The following TIAM1 variants were observed in gnomAD, a reference collection of about 807,000 sequenced individuals.
TIAM1 encodes the protein TIAM Rac1 associated GEF 1.
A neutral mutation model predicts 163.5 loss-of-function variants in TIAM1; 65 were observed. The observed-to-expected ratio is 0.40, with a 90% confidence interval of 0.33 to 0.49. TIAM1 has a LOEUF of 0.49. Among genes scored for constraint, TIAM1 ranks in the 20% least tolerant of loss-of-function variants. The pLI is 0.77. For missense variants in TIAM1, 1,789 were observed against 2,044.7 expected (o/e 0.87, Z 2.41); for synonymous variants, 833 against 810.1 (o/e 1.03, Z -0.48).
intron 3 of TIAM1, among the ~76,000 whole-genome samples, chr21:31,272,189 T>C (rs2073084846): frequency 1.3e-5 from 2 of 152,198 alleles, no homozygotes; most frequent in African/African-American, 4.8e-5. Flanking sequence ...GTTTGTTGAA[T>C]ATTTATTTAT....
chr21:31,334,143 T>TAG (rs1019144960), intron 2 of TIAM1, among the ~76,000 whole-genome samples: 4 of 152,234 alleles, frequency 2.6e-5, no homozygotes, highest in African/African-American at 9.6e-5. Flanking sequence ...CAACAGCCCC[T>TAG]AGTGTTCCAT....
chr21:31,209,999 C>T (rs779927849), intron 11 of TIAM1, 46 bp downstream of exon 11: 1 of 1,582,276 alleles, frequency 6.3e-7, no homozygotes, highest in Non-Finnish European at 8.6e-7. Flanking sequence ...GATTGCTACA[C>T]CCCATTCTGC....
At chr21:31,404,932 G>C (rs927610951) in intron 2 of TIAM1, among the ~76,000 whole-genome samples, 1 of 152,092 alleles carries the variant, frequency 6.6e-6, no homozygotes, top group African/African-American at 2.4e-5. Context: ...CTAATATTTT[G>C]ATATTGGCCC....
chr21:31,545,440 TAACA>T (rs1276053752), intron 1 of TIAM1, among the ~76,000 whole-genome samples: 2 of 152,164 alleles, frequency 1.3e-5, no homozygotes, highest in Non-Finnish European at 2.9e-5. Flanking sequence ...GGGAGGAAAC[TAACA>T]AAGACATGAA....
At chr21:31,433,803 C>CT (rs34956090) in intron 2 of TIAM1, among the ~76,000 whole-genome samples, 4,039 of 146,688 alleles carry the variant, frequency 0.028, 72 homozygotes, top group Non-Finnish European at 0.038. Context: ...TCTAAATGTC[C>CT]TTTTTTTTTT....
intron 11 of TIAM1, among the ~76,000 whole-genome samples, chr21:31,204,574 T>C (rs567633300): frequency 6.6e-6 from 1 of 152,274 alleles, no homozygotes; most frequent in East Asian, 1.9e-4. Flanking sequence ...ATTCCAGTAA[T>C]ATATATTCAG....
At chr21:31,384,401 CAA>C (rs5843516) in intron 2 of TIAM1, among the ~76,000 whole-genome samples, 5 of 107,864 alleles carry the variant, frequency 4.6e-5, no homozygotes, top group Admixed American at 2.0e-4. Context: ...CCCATCTCTA[CAA>C]AAAAAAAAAA....
At chr21:31,403,791 A>C (rs1235856060) in intron 2 of TIAM1, among the ~76,000 whole-genome samples, 1 of 152,140 alleles carries the variant, frequency 6.6e-6, no homozygotes, top group African/African-American at 2.4e-5. Context: ...TGGAAGAAAG[A>C]ACGAGGAGAA....
At chr21:31,482,190 C>T (rs535574249) in intron 1 of TIAM1, among the ~76,000 whole-genome samples, 8 of 151,616 alleles carry the variant, frequency 5.3e-5, no homozygotes, top group African/African-American at 1.7e-4. Context: ...CTTGCTCTGT[C>T]GCTCAGGCTG....
At chr21:31,479,292 TA>T (rs906172917) in intron 1 of TIAM1, among the ~76,000 whole-genome samples, 1 of 152,180 alleles carries the variant, frequency 6.6e-6, no homozygotes, top group Non-Finnish European at 1.5e-5. Flanking sequence ...GGACTTGATT[TA>T]AAAAAACTCT....
At chr21:31,314,379 G>A (rs180914492) in intron 2 of TIAM1, among the ~76,000 whole-genome samples, 29 of 152,262 alleles carry the variant, frequency 1.9e-4, no homozygotes, top group Admixed American at 1.1e-3. Context: ...TAAAATGTTA[G>A]TAAGCCCACT....
chr21:31,515,173 A>C (rs1369019601), intron 1 of TIAM1, among the ~76,000 whole-genome samples: 5 of 151,946 alleles, frequency 3.3e-5, no homozygotes, highest in African/African-American at 1.2e-4. Flanking sequence ...ACAGGCCCCA[A>C]CTCCAAAATC....
chr21:31,558,000 C>A (rs1432729583), intron 1 of TIAM1, among the ~76,000 whole-genome samples: 1 of 152,158 alleles, frequency 6.6e-6, no homozygotes, highest in Non-Finnish European at 1.5e-5. Context: ...AGCATCCCGC[C>A]CCGCGGCCGG....
At chr21:31,234,861 T>C (rs1392443380) in intron 6 of TIAM1, among the ~76,000 whole-genome samples, 2 of 151,678 alleles carry the variant, frequency 1.3e-5, no homozygotes, top group South Asian at 2.1e-4. Flanking sequence ...GATAAGGAAA[T>C]GATGCTAAAG....
intron 22 of TIAM1, among the ~76,000 whole-genome samples, chr21:31,140,337 A>G (rs540932365): frequency 1.5e-4 from 23 of 152,260 alleles, no homozygotes; most frequent in African/African-American, 4.8e-4. Context: ...GGAAAGAAAA[A>G]CTGAGTCTAA....
intron 1 of TIAM1, among the ~76,000 whole-genome samples, chr21:31,502,324 T>C (rs1406323409): frequency 1.3e-5 from 2 of 152,066 alleles, no homozygotes; most frequent in East Asian, 3.9e-4. Context: ...CAGGCAGGAG[T>C]GCAGTGAGGT....
At chr21:31,211,416 C>G (rs571722448) in intron 10 of TIAM1, among the ~76,000 whole-genome samples, 1 of 152,236 alleles carries the variant, frequency 6.6e-6, no homozygotes, top group South Asian at 2.1e-4. Flanking sequence ...AGTAATAGGC[C>G]TTCATTATTG....
At chr21:31,401,620 C>A (rs938103016) in intron 2 of TIAM1, among the ~76,000 whole-genome samples, 4 of 152,112 alleles carry the variant, frequency 2.6e-5, no homozygotes, top group African/African-American at 9.7e-5. Flanking sequence ...ATTGGCCAAA[C>A]AGACTCTCAC....
intron 6 of TIAM1, among the ~76,000 whole-genome samples, chr21:31,229,238 A>G (rs2088252253): frequency 6.6e-6 from 1 of 152,090 alleles, no homozygotes; most frequent in African/African-American, 2.4e-5. Flanking sequence ...CTGTTTCTTC[A>G]TCTGGGTGCT....
Sources: gnomAD v4.1 joint callset for allele counts (sites outside exome capture counted in the v4.1 genomes callset) on GRCh38, gnomAD v4.1.1 for gene constraint, MANE v1.5 for transcripts, NCBI Gene and HGNC (gene_info 2026-07-23, HGNC 2026-07-21) for gene names.